The following EMCN variants were observed in gnomAD, a reference collection of about 807,000 sequenced individuals.
The protein encoded by EMCN is endomucin, also known as MUC-14.
A neutral mutation model predicts 38.4 loss-of-function variants in EMCN; 37 were observed. That is an observed-to-expected ratio of 0.96 (90% CI 0.74 to 1.27). The LOEUF is 1.27. EMCN is among the 50% of genes most tolerant of loss of function. The pLI is 0.00. For missense variants in EMCN, 318 were observed against 302.8 expected (o/e 1.05, Z -0.37); for synonymous variants, 95 against 100.8 (o/e 0.94, Z 0.35).
rs1039097042 is a variant in EMCN, at chr4:100,489,020, C to T, written c.65-8981G>A. On this transcript the variant is annotated intron_variant, in intron 1 of 11. Transcript: ENST00000296420. ...TATTTACATTATTTGATTCTAATAACAATTTTGTGAAACAGTTGAACAGGC... is the reference window on the plus strand; with the variant it reads ...TATTTACATTATTTGATTCTAATAATAATTTTGTGAAACAGTTGAACAGGC... Among the ~76,000 whole-genome samples the T allele has an allele frequency of 1.7e-4, 26 of 152,040 alleles. 2 individuals carry two copies.
chr4:100,507,900 A>T (rs768361379), intron 1 of EMCN, among the ~76,000 whole-genome samples: 14 of 152,304 alleles, frequency 9.2e-5, no homozygotes, highest in Middle Eastern at 3.4e-3. Flanking sequence ...TACTATGAGA[A>T]ATAACTCTCA....
At chr4:100,448,824 C>CTTCCTTCCTTCCT (rs748730821) in intron 4 of EMCN, among the ~76,000 whole-genome samples, 1 of 138,310 alleles carries the variant, frequency 7.2e-6, no homozygotes, top group African/African-American at 2.7e-5. Context: ...TCCTTCCTTC[C>CTTCCTTCCTTCCT]TCCCTCCCTC....
At chr4:100,505,754 C>G (rs965136760) in intron 1 of EMCN, among the ~76,000 whole-genome samples, 1 of 152,090 alleles carries the variant, frequency 6.6e-6, no homozygotes, top group African/African-American at 2.4e-5. Context: ...GCTCCCAGTA[C>G]AGTTGGTCAG....
chr4:100,473,365 G>GGTTTTTTTTTTTTTTTTTTTTT lies in EMCN; in HGVS notation c.259+1672_259+1673insAAAAAAAAAAAAAAAAAAAAAC. ...TTCTAATGGGCATTTCCCGTTTCGTGTTTTTTTGTTTTTTTTTTTTGTTTT... is the reference window on the plus strand; with the variant it reads ...TTCTAATGGGCATTTCCCGTTTCGTGGTTTTTTTTTTTTTTTTTTTTTTTTTTTTGTTTTTTTTTTTTGTTTT... On this transcript the variant is annotated intron_variant, in intron 3 of 11. Coordinates refer to ENST00000296420, the MANE Select transcript of EMCN (RefSeq NM_016242.4). 6.7e-5 allele frequency among the ~76,000 whole-genome samples: 2 copies of GGTTTTTTTTTTTTTTTTTTTTT among 29,878 alleles called. 1 individual carries two copies. Among genetic ancestry groups the GGTTTTTTTTTTTTTTTTTTTTT allele is most frequent in the African/African-American group, 1.6e-4 (2 of 12,458 alleles). 19.6% of individuals were successfully genotyped at this position (29,878 alleles called of 152,430 possible). A position where few individuals can be genotyped will look rare whatever the true frequency, so the allele number is the denominator to read the frequency against.
At chr4:100,446,997 G>T (rs1501075) in intron 5 of EMCN, among the ~76,000 whole-genome samples, 41,032 of 152,088 alleles carry the variant, frequency 0.27, 7,083 homozygotes, top group Non-Finnish European at 0.39. Context: ...TTCTGAACAG[G>T]AAGACTCAAC....
Position 100,396,530 on chromosome 4 carries a change from CTTTTTTTTCCTTTTTTT to C in EMCN, c.*1866_*1882del, listed in dbSNP as rs1726123569. 9.0e-6 allele frequency: 1 copy of C among 111,438 alleles called. No homozygotes were observed. Among genetic ancestry groups the C allele is most frequent in the African/African-American group, 3.4e-5 (1 of 29,458 alleles). 6.9% of individuals were successfully genotyped at this position (111,438 alleles called of 1,614,324 possible). On this transcript the variant is annotated 3_prime_UTR_variant, in exon 12 of 12. Coordinates refer to ENST00000296420, the MANE Select transcript of EMCN (RefSeq NM_016242.4). The stretch of plus-strand genomic sequence containing the variant: ...AGGTGTGCTGGGACTTTCTTTCTTT[CTTTTTTTTCCTTTTTTT>C]TTTTTTTTTTTTTGAGACAGAGTCT...
At chr4:100,423,196 C>G (rs1726942272) in intron 6 of EMCN, 116 bp from the exon 7 acceptor site, 1 of 1,329,626 alleles carries the variant, frequency 7.5e-7, no homozygotes, top group African/African-American at 1.4e-5. Context: ...GCTGCAAGTG[C>G]AAAAGATTCA....
At chr4:100,415,410 C>T (rs1726699448) in intron 10 of EMCN, among the ~76,000 whole-genome samples, 1 of 152,074 alleles carries the variant, frequency 6.6e-6, no homozygotes, top group Non-Finnish European at 1.5e-5. Flanking sequence ...ACCTAAGAAA[C>T]TGGAAAAATT....
rs1174671369 is a variant in EMCN, at chr4:100,410,258, C to T, written c.*39+24G>A. 30 of 1,439,034 alleles carry T rather than the reference C, an allele frequency of 2.1e-5. No homozygotes were observed. The South Asian group carries it at 2.8e-4, about 13-fold the overall frequency. 89.1% of individuals were successfully genotyped at this position (1,439,034 alleles called of 1,614,324 possible). A position where few individuals can be genotyped will look rare whatever the true frequency, so the allele number is the denominator to read the frequency against. On this transcript the variant is annotated intron_variant, in intron 11 of 11. Coordinates refer to ENST00000296420, the MANE Select transcript of EMCN (RefSeq NM_016242.4). ...CAAAACAGATATTAATGATTGTCTC[C>T]GTGAATGAAATTGGGAAACTTACGT...
At chr4:100,455,696 T>C (rs1727996394) in intron 4 of EMCN, among the ~76,000 whole-genome samples, 1 of 152,092 alleles carries the variant, frequency 6.6e-6, no homozygotes, top group Admixed American at 6.6e-5. Flanking sequence ...TATGATGTGC[T>C]TTGGTGTAGT....
intron 1 of EMCN, among the ~76,000 whole-genome samples, chr4:100,504,337 T>C (rs1040968569): frequency 1.3e-5 from 2 of 152,158 alleles, no homozygotes; most frequent in Non-Finnish European, 2.9e-5. Context: ...TTGTTAACCA[T>C]GTTGAGAATA....
rs144331926 is a variant in EMCN at position 100,464,266 on chromosome 4, G to T, written c.376+1157C>A. ...TATTTTATATCCTGTGCTACAAACC[G>T]CTCTTTAGTGGTTTTAGTTTTATAG... On this transcript the variant is annotated intron_variant, in intron 4 of 11. Coordinates refer to ENST00000296420, the MANE Select transcript of EMCN (RefSeq NM_016242.4). 1.4e-3 allele frequency among the ~76,000 whole-genome samples: 209 copies of T among 151,702 alleles called. 1 individual carries two copies. The highest frequency in any genetic ancestry group is 4.7e-3 in the African/African-American group (195 of 41,456).
At chr4:100,421,202 C>A in intron 8 of EMCN, 80 bp downstream of exon 8, 1 of 1,218,402 alleles carries the variant, frequency 8.2e-7, no homozygotes, top group Non-Finnish European at 1.2e-6. Flanking sequence ...ACTTTTCTCT[C>A]CCTTTAAGAA....
intron 3 of EMCN, among the ~76,000 whole-genome samples, chr4:100,472,328 C>A (rs1728500261): frequency 6.6e-6 from 1 of 150,662 alleles, no homozygotes; most frequent in African/African-American, 2.4e-5. Context: ...ATGAATAATC[C>A]AAAATTGAAA....
At chr4:100,479,062 A>G (rs1358433142) in intron 2 of EMCN, among the ~76,000 whole-genome samples, 1 of 152,194 alleles carries the variant, frequency 6.6e-6, no homozygotes, top group Non-Finnish European at 1.5e-5. Flanking sequence ...TCACCACCCT[A>G]TTCAAGCCCA....
intron 5 of EMCN, among the ~76,000 whole-genome samples, chr4:100,426,858 G>A (rs558295545): frequency 6.6e-6 from 1 of 152,200 alleles, no homozygotes; most frequent in South Asian, 2.1e-4. Context: ...TATGACTAAA[G>A]TTCTCTCCTA....
At position 100,512,703 on chromosome 4, in the gene EMCN, G is replaced by A. The variant is rs368905865; in HGVS notation, c.64+5148C>T. On this transcript the variant is annotated intron_variant, in intron 1 of 11. Coordinates refer to ENST00000296420, the MANE Select transcript of EMCN (RefSeq NM_016242.4). ...TGTCTGTAATCCCAGCTACTTGGGA[G>A]GCTGAGGCAGGAGAATCGCTTGAAC... Among the ~76,000 whole-genome samples, 17 of 152,034 alleles carry A rather than the reference G, an allele frequency of 1.1e-4. No homozygotes were observed. In the South Asian group the frequency reaches 2.5e-3, roughly 22 times the overall value.
intron 8 of EMCN, among the ~76,000 whole-genome samples, chr4:100,419,241 A>G (rs919471323): frequency 6.6e-6 from 1 of 152,208 alleles, no homozygotes; most frequent in Admixed American, 6.6e-5. Context: ...TCTCTGATTC[A>G]TGTTGTCTTC....
At position 100,397,545 on chromosome 4, in the gene EMCN, T is replaced by C. The variant is rs982749443; in HGVS notation, c.*868A>G. The stretch of plus-strand genomic sequence containing the variant: ...AGATAATATCAATCAAATGAGTTAA[T>C]GAAAAATCATGATCCTATTATCTTA... On this transcript the variant is annotated 3_prime_UTR_variant, in exon 12 of 12. Transcript: ENST00000296420. 9.2e-5 allele frequency: 14 copies of C among 152,164 alleles called. No individual in the cohort carries two copies. Among genetic ancestry groups the C allele is most frequent in the Non-Finnish European group, 7.4e-5 (5 of 68,014 alleles). The allele number at this position is 152,164 out of a possible 1,614,324, so 9.4% of individuals were successfully genotyped here. A position where few individuals can be genotyped will look rare whatever the true frequency, so the allele number is the denominator to read the frequency against.
Sources: gnomAD v4.1 joint callset for allele counts (sites outside exome capture counted in the v4.1 genomes callset) on GRCh38, gnomAD v4.1.1 for gene constraint, MANE v1.5 for transcripts, NCBI Gene and HGNC (gene_info 2026-07-23, HGNC 2026-07-21) for gene names.